KDM4A: variants seen among roughly 807,000 people sequenced by gnomAD.
The protein encoded by KDM4A is lysine-specific demethylase 4A.
In KDM4A, 23 loss-of-function variants were observed where a neutral mutation model predicts 127.1. That is an observed-to-expected ratio of 0.18 (90% CI 0.13 to 0.26). The LOEUF (loss-of-function observed/expected upper bound fraction) is 0.26. Ranked by LOEUF, KDM4A falls within the 10% of genes least tolerant of loss-of-function variation. The pLI is 1.00. For synonymous variants in KDM4A, 443 were observed against 466.5 expected, an observed-to-expected ratio of 0.95 and a Z score of 0.65; for missense variants, 890 against 1,329.1, an observed-to-expected ratio of 0.67 and a Z score of 5.14.
chr1:43,690,601 C>G (rs1661085701), intron 13 of KDM4A: 1 of 560,314 alleles, frequency 1.8e-6, no homozygotes, highest in South Asian at 2.1e-5. Flanking sequence ...TCCCAGTTGC[C>G]TCTTACCTTG....
At chr1:43,692,121 C>A in intron 15 of KDM4A, 135 bp from the exon 16 acceptor site, 2 of 812,814 alleles carry the variant, frequency 2.5e-6, no homozygotes, top group Non-Finnish European at 4.3e-6. Context: ...GCAGGGGCTG[C>A]CTGGGTGAAG....
chr1:43,675,877 A>C (rs1392440759), intron 11 of KDM4A, among the ~76,000 whole-genome samples: 1 of 151,678 alleles, frequency 6.6e-6, no homozygotes, highest in East Asian at 1.9e-4. Context: ...GTTTGAGACC[A>C]GCTTGTCCAA....
At chr1:43,690,809 T>G in intron 13 of KDM4A, 36 bp from the exon 14 acceptor site, 1 of 1,592,130 alleles carries the variant, frequency 6.3e-7, no homozygotes, top group Non-Finnish European at 8.6e-7. Context: ...CATAGGCACG[T>G]GCTCACTGAG....
At chr1:43,690,772 C>T in intron 13 of KDM4A, 73 bp from the exon 14 acceptor site, 3 of 1,380,410 alleles carry the variant, frequency 2.2e-6, no homozygotes, top group South Asian at 2.3e-5. Context: ...CAGCTTTCTG[C>T]TGATAGAGCA....
intron 5 of KDM4A, among the ~76,000 whole-genome samples, chr1:43,665,019 CAG>C (rs1335518244): frequency 6.6e-6 from 1 of 152,162 alleles, no homozygotes; most frequent in African/African-American, 2.4e-5. Flanking sequence ...AAGGTTAAAA[CAG>C]AGTTACTGTG....
chr1:43,703,394 A>ATT lies in KDM4A; in HGVS notation c.2842-208_2842-207dup, dbSNP rs570960378. ...TGTTTACTAAGTTTGTTATAGCTGG[A>ATT]TTTTTTTTTTTTTTTTGGTCACCTA... On this transcript the variant is annotated intron_variant, in intron 19 of 21. Transcript: ENST00000372396. The ATT allele has an allele frequency of 7.7e-3, 2,479 of 320,782 alleles. 48 individuals carry two copies. The highest frequency in any genetic ancestry group is 0.044 in the African/African-American group (1,898 of 43,600). 19.9% of individuals were successfully genotyped at this position (320,782 alleles called of 1,614,324 possible). A position where few individuals can be genotyped will look rare whatever the true frequency, so the allele number is the denominator to read the frequency against.
At chr1:43,668,437 A>C (rs1449791606) in intron 9 of KDM4A, among the ~76,000 whole-genome samples, 1 of 152,126 alleles carries the variant, frequency 6.6e-6, no homozygotes, top group African/African-American at 2.4e-5. Flanking sequence ...GGCTGTTTCT[A>C]AGATGCCGTT....
At chr1:43,655,031 A>G (rs1272961741) in intron 2 of KDM4A, among the ~76,000 whole-genome samples, 1 of 152,070 alleles carries the variant, frequency 6.6e-6, no homozygotes, top group Non-Finnish European at 1.5e-5. Flanking sequence ...TTGTGTTTTT[A>G]GTAGAGATGG....
Position 43,669,228 on chromosome 1 carries a change from C to T in KDM4A, c.1292C>T (p.Pro431Leu), listed in dbSNP as rs774176471. 4 of 1,614,162 alleles carry T rather than the reference C, an allele frequency of 2.5e-6. No individual in the cohort carries two copies. Among genetic ancestry groups the T allele is most frequent in the South Asian group, 1.1e-5 (1 of 91,084 alleles). Residue 431 changes from proline (P) to leucine (L), a missense_variant, in exon 10 of 22, where the codon CCG becomes CTG. By Grantham distance (98) the Pro-to-Leu change is moderately conservative. This residue lies in a region of KDM4A where 389 missense variants were observed against 485.9 expected (regional missense o/e 0.80). Transcript: ENST00000372396. Reference protein sequence around the residue: ...SSEQYEMTECPAALAPVRPTH... With the variant: ...SSEQYEMTECLAALAPVRPTH... ...GAGCAGTATGAGATGACGGAGTGCCCGGCAGCCCTCGCCCCTGTGAGGCCC... is the reference window on the plus strand; with the variant it reads ...GAGCAGTATGAGATGACGGAGTGCCTGGCAGCCCTCGCCCCTGTGAGGCCC...
In KDM4A at chr1:43,688,933, C is replaced by G; in HGVS notation, c.1875C>G (p.Thr625=). Residue 625 remains threonine, a synonymous_variant, in exon 13 of 22, where the codon ACC becomes ACG. Coordinates refer to ENST00000372396, the MANE Select transcript of KDM4A (RefSeq NM_014663.3). This position sits in a 1 kb window ranked among gnomAD's most constrained non-coding sequence, Gnocchi z 4.4. ...VSDDETSEQL[T]PEEEAEETEA... is the part of the protein sequence containing the mutation. ...CTCTAGAGACATCTGAACAGCTGACCCCTGAGGAAGAGGCTGAGGAGACAG... is the reference window on the plus strand; with the variant it reads ...CTCTAGAGACATCTGAACAGCTGACGCCTGAGGAAGAGGCTGAGGAGACAG... 4 of 1,614,062 alleles carry G rather than the reference C, an allele frequency of 2.5e-6. No individual in the cohort carries two copies. The highest frequency in any genetic ancestry group is 3.4e-6 in the Non-Finnish European group (4 of 1,180,016).
At chr1:43,660,710 TA>T (rs1416366186) in intron 4 of KDM4A, among the ~76,000 whole-genome samples, 1 of 152,228 alleles carries the variant, frequency 6.6e-6, no homozygotes, top group Non-Finnish European at 1.5e-5. Flanking sequence ...GGCTCTCAGA[TA>T]ATGAAATGAG....
At chr1:43,661,632 A>T (rs1815352) in intron 4 of KDM4A, among the ~76,000 whole-genome samples, 4 of 106,064 alleles carry the variant, frequency 3.8e-5, no homozygotes, top group Admixed American at 2.1e-4. Context: ...AAAAAAAAAA[A>T]AAAAAAAAGA....
intron 4 of KDM4A, among the ~76,000 whole-genome samples, chr1:43,661,348 T>G (rs896720685): frequency 5.3e-5 from 8 of 151,308 alleles, no homozygotes; most frequent in African/African-American, 1.9e-4. Context: ...GTGGCTCACA[T>G]CTGTAATCCC....
chr1:43,704,479 G>C lies in KDM4A; in HGVS notation c.*109G>C. The C allele has an allele frequency of 8.6e-7, 1 of 1,161,990 alleles. No individual in the cohort carries two copies. Among genetic ancestry groups the C allele is most frequent in the South Asian group, 1.5e-5 (1 of 66,768 alleles). The allele number at this position is 1,161,990 out of a possible 1,614,324, so 72.0% of individuals were successfully genotyped here. The stretch of plus-strand genomic sequence containing the variant: ...GTCTCTGAAAGTGAAGTTGTAAAAA[G>C]AAAAGGAATGAAATAACCGACCCAT... On this transcript the variant is annotated 3_prime_UTR_variant, in exon 22 of 22. Coordinates refer to ENST00000372396, the MANE Select transcript of KDM4A (RefSeq NM_014663.3).
chr1:43,691,615 G>A (rs756899779), intron 15 of KDM4A, 43 bp downstream of exon 15: 1 of 1,552,164 alleles, frequency 6.4e-7, no homozygotes. Context: ...ATGAGTCTTG[G>A]TGCATATTCA....
intron 6 of KDM4A, 78 bp downstream of exon 6, chr1:43,665,823 C>T: frequency 2.1e-6 from 3 of 1,462,294 alleles, no homozygotes; most frequent in South Asian, 2.3e-5. Context: ...ATGTGCGTTC[C>T]CCATGGTCAG....
In KDM4A at chr1:43,689,099, A is replaced by G. The variant is rs764710201; in HGVS notation, c.2037+4A>G. The G allele has an allele frequency of 6.2e-7, 1 of 1,613,746 alleles. No homozygotes were observed. Among genetic ancestry groups the G allele is most frequent in the Admixed American group, 1.7e-5 (1 of 60,010 alleles). On this transcript the variant is annotated splice_donor_region_variant and intron_variant, in intron 13 of 21. Coordinates refer to ENST00000372396, the MANE Select transcript of KDM4A (RefSeq NM_014663.3). The stretch of plus-strand genomic sequence containing the variant: ...GATCTTCCAGACTTATCATCAGGTA[A>G]CCCAGCTCCATGCACTCTGTTTACC...
intron 3 of KDM4A, among the ~76,000 whole-genome samples, chr1:43,659,743 AT>A (rs1414132960): frequency 1.3e-5 from 2 of 152,184 alleles, no homozygotes; most frequent in Non-Finnish European, 2.9e-5. Context: ...GCTATTTTAT[AT>A]TTTTACTAAA....
intron 5 of KDM4A, among the ~76,000 whole-genome samples, chr1:43,663,932 C>A (rs1474602017): frequency 6.6e-6 from 1 of 152,140 alleles, no homozygotes; most frequent in Non-Finnish European, 1.5e-5. Context: ...CTGTACCCGG[C>A]CCATCTCAGC....
Sources: gnomAD v4.1 joint callset for allele counts (sites outside exome capture counted in the v4.1 genomes callset) on GRCh38, gnomAD v4.1.1 for gene constraint, gnomAD v4.1.1 regional missense constraint, Gnocchi (gnomAD v3.1) non-coding constraint, MANE v1.5 for transcripts, NCBI Gene and HGNC (gene_info 2026-07-23, HGNC 2026-07-21) for gene names.